Variants in DOCK2 observed in about 807,000 individuals in gnomAD.
DOCK2 encodes the protein dedicator of cytokinesis 2, also known as dedicator of cytokinesis protein 2.
A neutral mutation model predicts 248.9 loss-of-function variants in DOCK2; 87 were observed. The ratio of observed to expected loss-of-function variants is 0.35; its 90% confidence interval spans 0.29 to 0.42. DOCK2 has a LOEUF of 0.42. Ranked by LOEUF, DOCK2 falls within the 10% of genes least tolerant of loss-of-function variation. DOCK2 has a pLI of 1.00. For synonymous variants in DOCK2, 805 were observed against 821.6 expected, an observed-to-expected ratio of 0.98 and a Z score of 0.35; for missense variants, 1,747 against 2,300.2, an observed-to-expected ratio of 0.76 and a Z score of 4.92.
At chr5:169,903,214 C>T (rs556191264) in intron 27 of DOCK2, among the ~76,000 whole-genome samples, 18 of 150,360 alleles carry the variant, frequency 1.2e-4, no homozygotes, top group Non-Finnish European at 2.5e-4. Flanking sequence ...GAATTTGAGG[C>T]TACAGTGAGC....
intron 1 of DOCK2, among the ~76,000 whole-genome samples, chr5:169,650,436 T>C (rs569958467): frequency 9.8e-5 from 15 of 152,296 alleles, no homozygotes; most frequent in African/African-American, 3.1e-4. Flanking sequence ...ATTGAACTTA[T>C]CTCCTAAAAT....
chr5:170,067,445 A>G, intron 44 of DOCK2, 65 bp from the exon 45 acceptor site: 1 of 1,525,470 alleles, frequency 6.6e-7, no homozygotes, highest in East Asian at 2.3e-5. Context: ...ATCAATACCA[A>G]TAATATCTGT....
intron 27 of DOCK2, among the ~76,000 whole-genome samples, chr5:169,928,935 T>C (rs1775610137): frequency 6.6e-6 from 1 of 152,230 alleles, no homozygotes; most frequent in African/African-American, 2.4e-5. Context: ...ATAACTGCGC[T>C]ATTAATTATG....
intron 25 of DOCK2, among the ~76,000 whole-genome samples, chr5:169,773,559 G>A (rs1199002430): frequency 6.6e-6 from 1 of 151,884 alleles, no homozygotes; most frequent in East Asian, 1.9e-4. Flanking sequence ...TCTAGTTTTG[G>A]AATGATTCTT....
At chr5:169,827,583 C>T (rs533303926) in intron 26 of DOCK2, among the ~76,000 whole-genome samples, 1 of 152,274 alleles carries the variant, frequency 6.6e-6, no homozygotes, top group South Asian at 2.1e-4. Flanking sequence ...AAGGTGGGGG[C>T]ACTGAGTGTG....
intron 3 of DOCK2, 114 bp downstream of exon 3, chr5:169,669,442 T>G: frequency 3.4e-6 from 4 of 1,173,110 alleles, no homozygotes; most frequent in Non-Finnish European, 5.1e-6. Flanking sequence ...AATCCATCTC[T>G]CCCTCCTGTG....
intron 27 of DOCK2, chr5:169,864,250 G>C (rs574779714): frequency 7.8e-6 from 12 of 1,547,404 alleles, no homozygotes; most frequent in South Asian, 1.2e-5. Flanking sequence ...GAGTTGGGGG[G>C]CTGGGGGATG....
chr5:169,745,551 T>C (rs939358331), intron 22 of DOCK2, among the ~76,000 whole-genome samples: 2 of 152,170 alleles, frequency 1.3e-5, no homozygotes, highest in African/African-American at 4.8e-5. Context: ...GCAAAGAGAC[T>C]GAGAGGCTGG....
intron 14 of DOCK2, among the ~76,000 whole-genome samples, chr5:169,706,076 A>G (rs1761245212): frequency 6.6e-6 from 1 of 152,196 alleles, no homozygotes. Context: ...GCACTTCCCA[A>G]CACTGTTATT....
intron 27 of DOCK2, among the ~76,000 whole-genome samples, chr5:169,939,126 G>A (rs546056730): frequency 6.6e-6 from 1 of 151,386 alleles, no homozygotes; most frequent in East Asian, 1.9e-4. Context: ...GGATGGTCTT[G>A]ATCTCCTGAC....
intron 26 of DOCK2, among the ~76,000 whole-genome samples, chr5:169,809,395 T>C (rs528676312): frequency 3.6e-4 from 55 of 152,298 alleles, no homozygotes; most frequent in Middle Eastern, 6.8e-3. Context: ...TTCTCATCTT[T>C]CTCTGCAGGT....
intron 26 of DOCK2, among the ~76,000 whole-genome samples, chr5:169,813,224 T>C (rs1034624451): frequency 6.6e-6 from 1 of 152,206 alleles, no homozygotes; most frequent in Non-Finnish European, 1.5e-5. Flanking sequence ...AAAATTGTTA[T>C]AAATCTATAA....
At chr5:169,901,238 G>T (rs996106839) in intron 27 of DOCK2, among the ~76,000 whole-genome samples, 1 of 152,178 alleles carries the variant, frequency 6.6e-6, no homozygotes, top group African/African-American at 2.4e-5. Context: ...TGGCTCTGAT[G>T]CAAGAAAGGT....
At chr5:169,785,865 G>A (rs1765954119) in intron 25 of DOCK2, among the ~76,000 whole-genome samples, 1 of 152,078 alleles carries the variant, frequency 6.6e-6, no homozygotes, top group South Asian at 2.1e-4. Context: ...TTCTCATTTA[G>A]AGGAATCTGG....
intron 27 of DOCK2, among the ~76,000 whole-genome samples, chr5:169,906,066 G>A (rs1234499268): frequency 1.3e-5 from 2 of 152,194 alleles, no homozygotes; most frequent in South Asian, 4.1e-4. Context: ...AATTATAAAT[G>A]AATGCAAAGA....
intron 27 of DOCK2, among the ~76,000 whole-genome samples, chr5:169,965,943 G>A (rs548092587): frequency 6.6e-6 from 1 of 152,172 alleles, no homozygotes; most frequent in Non-Finnish European, 1.5e-5. Flanking sequence ...CTGGAAAAAG[G>A]CTTCTCCATG....
chr5:169,722,460 G>A (rs1389075863), intron 22 of DOCK2, among the ~76,000 whole-genome samples: 1 of 152,180 alleles, frequency 6.6e-6, no homozygotes, highest in Non-Finnish European at 1.5e-5. Flanking sequence ...TCCTCATGCT[G>A]CCCCAGGCTA....
At chr5:170,036,092 G>A (rs984679192) in intron 35 of DOCK2, among the ~76,000 whole-genome samples, 1 of 152,034 alleles carries the variant, frequency 6.6e-6, no homozygotes, top group African/African-American at 2.4e-5. Flanking sequence ...TACTATTACC[G>A]AGGTGCTACC....
At chr5:169,811,648 C>T (rs560283113) in intron 26 of DOCK2, among the ~76,000 whole-genome samples, 1 of 152,346 alleles carries the variant, frequency 6.6e-6, no homozygotes, top group Admixed American at 6.5e-5. Flanking sequence ...ATACCACACA[C>T]TTCCCCAGCA....
Sources: gnomAD v4.1 joint callset for allele counts (sites outside exome capture counted in the v4.1 genomes callset) on GRCh38, gnomAD v4.1.1 for gene constraint, MANE v1.5 for transcripts, NCBI Gene and HGNC (gene_info 2026-07-23, HGNC 2026-07-21) for gene names.